The following FOXP1 variants were observed in gnomAD, a reference collection of about 807,000 sequenced individuals.
FOXP1 encodes forkhead box P1.
A neutral mutation model predicts 98.2 loss-of-function variants in FOXP1; 15 were observed. The ratio of observed to expected loss-of-function variants is 0.15; its 90% CI spans 0.10 to 0.24. FOXP1 has a LOEUF of 0.24. FOXP1 is among the 10% of genes least tolerant of loss of function. The probability of loss-of-function intolerance (pLI) is 1.00; values close to 1 mark genes in which losing one functional copy is unlikely to be tolerated. For synonymous variants in FOXP1, 371 were observed against 314.5 expected, an observed-to-expected ratio of 1.18 and a Z score of -1.90; for missense variants, 633 against 848.5, an observed-to-expected ratio of 0.75 and a Z score of 3.15.
At chr3:71,204,643 G>A (rs1167202390) in intron 5 of FOXP1, among the ~76,000 whole-genome samples, 1 of 152,144 alleles carries the variant, frequency 6.6e-6, no homozygotes, top group Non-Finnish European at 1.5e-5. Context: ...ACTGACTGGT[G>A]GAGGGGATGA....
chr3:71,220,302 G>T (rs556158072), intron 5 of FOXP1, among the ~76,000 whole-genome samples: 1 of 152,308 alleles, frequency 6.6e-6, no homozygotes, highest in South Asian at 2.1e-4. Context: ...AGGAACTGAG[G>T]CAACATGAAT....
intron 6 of FOXP1, among the ~76,000 whole-genome samples, chr3:71,162,607 T>C (rs1359949916): frequency 6.6e-6 from 1 of 152,172 alleles, no homozygotes. Flanking sequence ...TATTGGAACT[T>C]ACATTCAGTG....
chr3:71,354,470 C>T (rs2078024213), intron 4 of FOXP1, among the ~76,000 whole-genome samples: 2 of 152,214 alleles, frequency 1.3e-5, no homozygotes, highest in Non-Finnish European at 2.9e-5. Context: ...GCTCCAGACA[C>T]TGAGCCATTG....
chr3:71,049,763 A>T (rs1450525289), intron 9 of FOXP1, among the ~76,000 whole-genome samples: 1 of 152,146 alleles, frequency 6.6e-6, no homozygotes, highest in Non-Finnish European at 1.5e-5. Context: ...CATAACCACC[A>T]GTCCACATCA....
At chr3:71,528,938 C>T (rs144610905) in intron 2 of FOXP1, among the ~76,000 whole-genome samples, 1 of 152,162 alleles carries the variant, frequency 6.6e-6, no homozygotes, top group African/African-American at 2.4e-5. Flanking sequence ...GAATGTTTAA[C>T]TTAGTAATGC....
chr3:71,500,549 T>A (rs1435514345), intron 2 of FOXP1, among the ~76,000 whole-genome samples: 1 of 152,196 alleles, frequency 6.6e-6, no homozygotes, highest in African/African-American at 2.4e-5. Flanking sequence ...CTCCTTCCCC[T>A]GGGCCTTAGT....
intron 2 of FOXP1, chr3:71,543,678 A>C (rs1029590338): frequency 2.6e-5 from 4 of 152,270 alleles, no homozygotes; most frequent in Non-Finnish European, 5.9e-5. Context: ...GACATCCCCC[A>C]GTTTCTGCCT....
At chr3:71,263,366 G>A (rs952814) in intron 5 of FOXP1, among the ~76,000 whole-genome samples, 43,653 of 152,038 alleles carry the variant, frequency 0.29, 6,888 homozygotes, top group East Asian at 0.56. Flanking sequence ...TATAAAAATC[G>A]GATGTGGGGG....
At chr3:71,406,403 G>GTATATATA (rs112681983) in intron 3 of FOXP1, among the ~76,000 whole-genome samples, 1,115 of 107,930 alleles carry the variant, frequency 0.01, 71 homozygotes, top group African/African-American at 0.027. Context: ...ATAACTGTAT[G>GTATATATA]TGTATATATA....
chr3:71,551,367 C>T (rs1268275321), intron 2 of FOXP1, among the ~76,000 whole-genome samples: 1 of 152,172 alleles, frequency 6.6e-6, no homozygotes, highest in Non-Finnish European at 1.5e-5. Flanking sequence ...CCCCAAAATA[C>T]TCCAGGGATT....
intron 7 of FOXP1, among the ~76,000 whole-genome samples, chr3:71,069,730 A>T (rs557216641): frequency 9.2e-5 from 14 of 152,318 alleles, no homozygotes; most frequent in African/African-American, 3.1e-4. Context: ...CTCGATTTTT[A>T]AGCATAACCA....
chr3:71,362,093 A>AT (rs1258167694), intron 3 of FOXP1, among the ~76,000 whole-genome samples: 1 of 152,258 alleles, frequency 6.6e-6, no homozygotes, highest in African/African-American at 2.4e-5. Context: ...CTGGATCACA[A>AT]TATGGCCAAG....
rs948241230 is a variant in FOXP1 at position 70,956,621 on chromosome 3, T to C, written c.*2626A>G. 1 of 229,420 alleles carries C rather than the reference T, an allele frequency of 4.4e-6. No individual in the cohort carries two copies. The highest frequency in any genetic ancestry group is 2.2e-5 in the African/African-American group (1 of 44,924). The allele number at this position is 229,420 out of a possible 1,614,324, so 14.2% of individuals were successfully genotyped here. A position where few individuals can be genotyped will look rare whatever the true frequency, so the allele number is the denominator to read the frequency against. ...AATGAACTAATCTACCAGATTTTTA[T>C]CCTCTTTTGAATACCAAACTAACCA... is the stretch of plus-strand genomic sequence containing the variant. On this transcript the variant is annotated 3_prime_UTR_variant, in exon 21 of 21. Coordinates refer to ENST00000649528, the MANE Select transcript of FOXP1 (RefSeq NM_001349338.3).
intron 11 of FOXP1, among the ~76,000 whole-genome samples, chr3:71,023,507 T>C (rs1576241308): frequency 6.6e-6 from 1 of 152,228 alleles, no homozygotes; most frequent in Non-Finnish European, 1.5e-5. Flanking sequence ...CAGGCATCGA[T>C]GGAAGCCACT....
At chr3:71,268,382 T>C (rs1349112133) in intron 5 of FOXP1, among the ~76,000 whole-genome samples, 1 of 152,086 alleles carries the variant, frequency 6.6e-6, no homozygotes, top group Non-Finnish European at 1.5e-5. Flanking sequence ...CAAATGTATT[T>C]CCGAGATTCC....
chr3:71,345,397 TACACACAC>T (rs71120315), intron 4 of FOXP1, among the ~76,000 whole-genome samples: 55,962 of 141,708 alleles, frequency 0.39, 12,374 homozygotes, highest in East Asian at 0.65. Flanking sequence ...CAAATATATA[TACACACAC>T]ACACACACAC....
At chr3:71,235,487 G>A (rs2066693171) in intron 5 of FOXP1, among the ~76,000 whole-genome samples, 1 of 152,176 alleles carries the variant, frequency 6.6e-6, no homozygotes, top group African/African-American at 2.4e-5. Flanking sequence ...CAAGCTTCCT[G>A]AAGTCAGGGA....
chr3:71,242,742 A>G (rs2067390757), intron 5 of FOXP1, among the ~76,000 whole-genome samples: 1 of 139,974 alleles, frequency 7.1e-6, no homozygotes, highest in East Asian at 2.1e-4. Context: ...ATGGCAAGCC[A>G]AAATATATTT....
intron 4 of FOXP1, among the ~76,000 whole-genome samples, chr3:71,313,741 G>T (rs964997477): frequency 1.3e-5 from 2 of 151,892 alleles, no homozygotes; most frequent in Middle Eastern, 3.4e-3. Flanking sequence ...TAGCCAGGAT[G>T]GTCTCGATCT....
Sources: allele counts gnomAD v4.1 joint callset (sites outside exome capture counted in the v4.1 genomes callset), GRCh38; gene constraint gnomAD v4.1.1; transcripts MANE v1.5; gene names NCBI Gene and HGNC (gene_info 2026-07-23, HGNC 2026-07-21).